Variants in ASIC2 observed in about 807,000 individuals in gnomAD.
The protein encoded by ASIC2 is acid-sensing ion channel 2.
Under a neutral mutation model 57.3 loss-of-function variants are expected in ASIC2, and 25 were observed. The ratio of observed to expected loss-of-function variants is 0.44; its 90% confidence interval spans 0.32 to 0.61. The LOEUF (loss-of-function observed/expected upper bound fraction) is 0.61. ASIC2 is among the 20% of genes least tolerant of loss of function. ASIC2 has a pLI of 0.06. For synonymous variants in ASIC2, 319 were observed against 307.5 expected, an observed-to-expected ratio of 1.04 and a Z score of -0.39; for missense variants, 641 against 738.1, an observed-to-expected ratio of 0.87 and a Z score of 1.52.
At chr17:33,666,069 T>G (rs940009249) in intron 1 of ASIC2, among the ~76,000 whole-genome samples, 3 of 152,204 alleles carry the variant, frequency 2.0e-5, no homozygotes, top group Non-Finnish European at 4.4e-5. Context: ...GTCTGGTGGA[T>G]GTTTCATAAA....
intron 1 of ASIC2, among the ~76,000 whole-genome samples, chr17:33,664,466 ACAAGATGATC>A (rs1271480344): frequency 6.6e-6 from 1 of 152,210 alleles, no homozygotes; most frequent in Non-Finnish European, 1.5e-5. Flanking sequence ...AGTGGAGTAT[ACAAGATGATC>A]CAATGAGAGC....
chr17:34,131,356 C>T (rs543521923), intron 1 of ASIC2, among the ~76,000 whole-genome samples: 17 of 152,256 alleles, frequency 1.1e-4, no homozygotes, highest in Non-Finnish European at 2.2e-4. Context: ...TCTGAGTAGG[C>T]CATTGTATTC....
intron 1 of ASIC2, among the ~76,000 whole-genome samples, chr17:33,835,164 G>C (rs934872055): frequency 1.3e-5 from 2 of 152,160 alleles, no homozygotes; most frequent in Non-Finnish European, 2.9e-5. Context: ...TGGTCAAGGG[G>C]GTTGGCTCTG....
intron 1 of ASIC2, among the ~76,000 whole-genome samples, chr17:33,308,907 G>T (rs972132066): frequency 6.6e-6 from 1 of 152,206 alleles, no homozygotes; most frequent in Admixed American, 6.5e-5. Flanking sequence ...TTGTCGGGTA[G>T]ACAGGGTTTG....
At chr17:33,216,981 A>C (rs1444016392) in intron 1 of ASIC2, among the ~76,000 whole-genome samples, 1 of 152,234 alleles carries the variant, frequency 6.6e-6, no homozygotes, top group African/African-American at 2.4e-5. Flanking sequence ...CAGTAGCTAC[A>C]GGTCTTGAAA....
chr17:33,956,988 G>C (rs1904755603), intron 1 of ASIC2, among the ~76,000 whole-genome samples: 2 of 152,352 alleles, frequency 1.3e-5, no homozygotes, highest in South Asian at 4.1e-4. Context: ...GGCAGCTGCT[G>C]CCCTGACTGC....
intron 3 of ASIC2, among the ~76,000 whole-genome samples, chr17:33,031,492 T>C (rs1184655615): frequency 6.6e-6 from 1 of 152,206 alleles, no homozygotes; most frequent in Non-Finnish European, 1.5e-5. Context: ...TGAGATGTTT[T>C]TATGATACTG....
At chr17:33,181,081 C>G (rs116494738) in intron 1 of ASIC2, among the ~76,000 whole-genome samples, 309 of 152,220 alleles carry the variant, frequency 2.0e-3, no homozygotes, top group African/African-American at 7.3e-3. Context: ...CTGGAAGAGA[C>G]TTGGTGACCG....
chr17:33,073,699 G>C (rs897342209), intron 3 of ASIC2, among the ~76,000 whole-genome samples: 3 of 152,226 alleles, frequency 2.0e-5, no homozygotes, highest in African/African-American at 7.2e-5. Context: ...CTCATGGCAG[G>C]AGAAGATGTT....
intron 1 of ASIC2, among the ~76,000 whole-genome samples, chr17:34,031,705 C>T (rs942266468): frequency 2.0e-5 from 3 of 152,192 alleles, no homozygotes; most frequent in African/African-American, 4.8e-5. Flanking sequence ...ACGAGAGCTA[C>T]GTGACGAATG....
In ASIC2 at chr17:33,715,432, G is replaced by T. The variant is rs192922749; in HGVS notation, c.555+440546C>A. On this transcript the variant is annotated intron_variant, in intron 1 of 9. Coordinates refer to the ASIC2 transcript ENST00000359872. ...CTTGTGTGCCCATGGGCAGGATTAG[G>T]ATGCCCTGGCCGCTGAGACAAGCAC... Among the ~76,000 whole-genome samples, 523 of 152,304 alleles carry T rather than the reference G, an allele frequency of 3.4e-3. 2 individuals are homozygous for T. The highest frequency in any genetic ancestry group is 0.012 in the African/African-American group (498 of 41,558).
chr17:33,478,125 G>A (rs1369443330), intron 1 of ASIC2, among the ~76,000 whole-genome samples: 1 of 152,200 alleles, frequency 6.6e-6, no homozygotes, highest in Non-Finnish European at 1.5e-5. Context: ...AGTCAGGCAT[G>A]GCAGCCTAGC....
At chr17:33,142,907 C>T (rs1012511014) in intron 1 of ASIC2, among the ~76,000 whole-genome samples, 1 of 152,176 alleles carries the variant, frequency 6.6e-6, no homozygotes, top group African/African-American at 2.4e-5. Context: ...AAGGGTTGGT[C>T]ACTGTCCATG....
intron 1 of ASIC2, among the ~76,000 whole-genome samples, chr17:34,090,217 C>T (rs1910276669): frequency 6.6e-6 from 1 of 152,206 alleles, no homozygotes; most frequent in Non-Finnish European, 1.5e-5. Flanking sequence ...ACTTAAGCAT[C>T]CTTGTCCTTC....
chr17:33,795,432 G>T (rs1220059280), intron 1 of ASIC2, among the ~76,000 whole-genome samples: 1 of 152,234 alleles, frequency 6.6e-6, no homozygotes, highest in East Asian at 1.9e-4. Flanking sequence ...AGAAGCCCTT[G>T]TTCCTGAGAG....
At chr17:33,840,768 G>A (rs1913412360) in intron 1 of ASIC2, among the ~76,000 whole-genome samples, 1 of 141,384 alleles carries the variant, frequency 7.1e-6, no homozygotes, top group Non-Finnish European at 1.6e-5. Flanking sequence ...TTCAAATCAA[G>A]GTAGGTTATT....
chr17:33,484,697 C>T (rs368750875), intron 1 of ASIC2, among the ~76,000 whole-genome samples: 17 of 152,252 alleles, frequency 1.1e-4, no homozygotes, highest in African/African-American at 2.4e-4. Context: ...GCTTGGACAC[C>T]GGACCAAATT....
intron 1 of ASIC2, among the ~76,000 whole-genome samples, chr17:33,199,958 C>T (rs887299161): frequency 6.6e-6 from 1 of 152,120 alleles, no homozygotes; most frequent in Non-Finnish European, 1.5e-5. Flanking sequence ...GGAGCCTCAC[C>T]GTGCCCCCTT....
intron 2 of ASIC2, among the ~76,000 whole-genome samples, chr17:33,106,496 C>G (rs1028126645): frequency 2.0e-5 from 3 of 152,168 alleles, no homozygotes; most frequent in Non-Finnish European, 2.9e-5. Flanking sequence ...TGTTAGAAAA[C>G]TCCCTGTACA....
Sources: gnomAD v4.1 joint callset for allele counts (sites outside exome capture counted in the v4.1 genomes callset) on GRCh38, gnomAD v4.1.1 for gene constraint, MANE v1.5 for transcripts, NCBI Gene and HGNC (gene_info 2026-07-23, HGNC 2026-07-21) for gene names.